Variants in NAV1 observed in about 807,000 individuals in gnomAD.
NAV1 encodes the protein neuron navigator 1.
In NAV1, 18 loss-of-function variants were observed where a neutral mutation model predicts 175.2. The ratio of observed to expected loss-of-function variants is 0.10; its 90% CI spans 0.07 to 0.15. NAV1 has a LOEUF of 0.15. NAV1 is among the 10% of genes least tolerant of loss of function. The pLI is 1.00. For missense variants in NAV1, 1,731 were observed against 2,436.6 expected (o/e 0.71, Z 6.10); for synonymous variants, 897 against 978.7 (o/e 0.92, Z 1.56).
chr1:201,686,120 G>A (rs747218656), intron 1 of NAV1, among the ~76,000 whole-genome samples: 48 of 152,244 alleles, frequency 3.2e-4, no homozygotes, highest in Admixed American at 4.6e-4. Context: ...AATAAGCACC[G>A]AGGGACAGCT....
chr1:201,596,939 C>T (rs1011528432), intron 2 of NAV1, among the ~76,000 whole-genome samples: 1 of 152,144 alleles, frequency 6.6e-6, no homozygotes, highest in Non-Finnish European at 1.5e-5. Context: ...AATTCTCCTG[C>T]CTCAGCCTCC....
At chr1:201,727,215 G>A (rs1672644785) in intron 3 of NAV1, among the ~76,000 whole-genome samples, 1 of 152,114 alleles carries the variant, frequency 6.6e-6, no homozygotes, top group African/African-American at 2.4e-5. Context: ...ATAGACATTA[G>A]CAAGCTACTG....
chr1:201,783,676 C>T (rs757216607), exon 7 of NAV1: 1 of 1,614,258 alleles, frequency 6.2e-7, no homozygotes, highest in Admixed American at 1.7e-5. Flanking sequence ...GCATGTACCC[C>T]AAACTCTCAG....
At chr1:201,652,727 T>G (rs1571864789) in intron 1 of NAV1, among the ~76,000 whole-genome samples, 1 of 152,246 alleles carries the variant, frequency 6.6e-6, no homozygotes, top group East Asian at 1.9e-4. Context: ...GGGGTGTAGA[T>G]TAAGGTGATC....
chr1:201,802,305 CAAAAA>C (rs34854602), intron 15 of NAV1, among the ~76,000 whole-genome samples: 1 of 40,056 alleles, frequency 2.5e-5, no homozygotes, highest in Admixed American at 3.9e-4. Flanking sequence ...AACACCTTCT[CAAAAA>C]AAAAAAAAAA....
chr1:201,665,822 G>C (rs116275767), intron 1 of NAV1, among the ~76,000 whole-genome samples: 1 of 151,298 alleles, frequency 6.6e-6, no homozygotes, highest in Admixed American at 6.6e-5. Context: ...TACCATCTAC[G>C]TTGCATCCTC....
intron 1 of NAV1, among the ~76,000 whole-genome samples, chr1:201,586,546 G>A (rs1292356957): frequency 6.6e-6 from 1 of 152,092 alleles, no homozygotes; most frequent in African/African-American, 2.4e-5. Flanking sequence ...GCTCAGGTTG[G>A]TGCCTGGTGA....
rs906994342 is a variant in NAV1, at chr1:201,788,991, TGAAAA to T, written c.3166+359_3166+363del. On this transcript the variant is annotated intron_variant, in intron 10 of 29. Transcript: ENST00000367296. This position sits in a 1 kb window ranked among gnomAD's most constrained non-coding sequence, Gnocchi z 5.7. ...TCCTCCCCACAGTCTCTCAAATATA[TGAAAA>T]GAAAACAGGACATAATAGTAGCTCT... Among the ~76,000 whole-genome samples, 8 of 152,166 alleles carry T rather than the reference TGAAAA, an allele frequency of 5.3e-5. No homozygotes were observed. The highest frequency in any genetic ancestry group is 1.7e-4 in the African/African-American group (7 of 41,436).
intron 1 of NAV1, among the ~76,000 whole-genome samples, chr1:201,706,689 C>T (rs937451279): frequency 3.9e-5 from 6 of 152,374 alleles, no homozygotes; most frequent in African/African-American, 1.4e-4. Context: ...CAGCCACTCA[C>T]AGCAGAAGCC....
intron 1 of NAV1, among the ~76,000 whole-genome samples, chr1:201,554,438 A>G (rs1665953554): frequency 6.6e-6 from 1 of 152,176 alleles, no homozygotes; most frequent in South Asian, 2.1e-4. Flanking sequence ...GAGGTGTGGG[A>G]CCAACTAATG....
At chr1:201,588,965 A>G (rs1667114225) in intron 2 of NAV1, among the ~76,000 whole-genome samples, 1 of 151,906 alleles carries the variant, frequency 6.6e-6, no homozygotes. Flanking sequence ...CTCTTGTCTC[A>G]GCCTCCTGAG....
intron 1 of NAV1, among the ~76,000 whole-genome samples, chr1:201,651,248 G>A (rs1423028140): frequency 6.6e-6 from 1 of 151,824 alleles, no homozygotes; most frequent in African/African-American, 2.4e-5. Flanking sequence ...TCAGGGTCAA[G>A]GCTTTACTTG....
intron 1 of NAV1, among the ~76,000 whole-genome samples, chr1:201,553,434 G>A (rs921220435): frequency 1.2e-4 from 18 of 152,252 alleles, no homozygotes; most frequent in African/African-American, 4.1e-4. Flanking sequence ...GAGAAAATGT[G>A]AGGGTATATT....
At chr1:201,593,718 G>A (rs1042589632) in intron 2 of NAV1, among the ~76,000 whole-genome samples, 1 of 152,218 alleles carries the variant, frequency 6.6e-6, no homozygotes, top group Non-Finnish European at 1.5e-5. Context: ...TTTAGCATGT[G>A]TCTGAGTACA....
chr1:201,730,190 C>A lies in NAV1; in HGVS notation c.1226+11435C>A, dbSNP rs77103281. ...AATTTGCACTTTTATGATTCTCTCG[C>A]AATTGCATAGCATGCATGGTTTGCA... On this transcript the variant is annotated intron_variant, in intron 3 of 29. Transcript: ENST00000367296. 2.3e-3 allele frequency among the ~76,000 whole-genome samples: 348 copies of A among 152,332 alleles called. 1 individual carries two copies. Among genetic ancestry groups the A allele is most frequent in the Non-Finnish European group, 4.5e-3 (304 of 68,032 alleles).
chr1:201,583,842 C>T (rs893089277), intron 1 of NAV1, among the ~76,000 whole-genome samples: 2 of 152,286 alleles, frequency 1.3e-5, no homozygotes, highest in South Asian at 2.1e-4. Context: ...GTGCTGGTGC[C>T]TGGGGGAGAG....
At chr1:201,790,433 C>A in intron 11 of NAV1, 121 bp from the exon 16 acceptor site, 1 of 1,122,898 alleles carries the variant, frequency 8.9e-7, no homozygotes, top group Non-Finnish European at 1.3e-6. Flanking sequence ...TTCAGCCTCT[C>A]TGCACCTCTG....
chr1:201,682,202 C>T (rs1670494328), intron 1 of NAV1, among the ~76,000 whole-genome samples: 1 of 151,740 alleles, frequency 6.6e-6, no homozygotes, highest in African/African-American at 2.4e-5. Flanking sequence ...ACAAGAATCA[C>T]TTGAACCCGG....
chr1:201,702,680 C>CTT (rs1671480764), intron 1 of NAV1, among the ~76,000 whole-genome samples: 3 of 21,860 alleles, frequency 1.4e-4, no homozygotes, highest in African/African-American at 3.7e-4. Context: ...AATTCTCTCT[C>CTT]TCTCTCTCTC....
Sources: gnomAD v4.1 joint callset for allele counts (sites outside exome capture counted in the v4.1 genomes callset) on GRCh38, gnomAD v4.1.1 for gene constraint, Gnocchi (gnomAD v3.1) non-coding constraint, MANE v1.5 for transcripts, NCBI Gene and HGNC (gene_info 2026-07-23, HGNC 2026-07-21) for gene names.